Variants in C2CD3 observed in about 807,000 individuals in gnomAD.
C2CD3 encodes C2 domain containing 3 centriole elongation regulator, also known as C2 domain-containing protein 3.
Under a neutral mutation model 234.0 loss-of-function variants are expected in C2CD3, and 148 were observed. The observed-to-expected ratio is 0.63, with a 90% confidence interval of 0.55 to 0.72. C2CD3 has a LOEUF of 0.72. Ranked by LOEUF, C2CD3 falls within the 30% of genes least tolerant of loss-of-function variation. C2CD3 has a pLI of 0.00. For missense variants in C2CD3, 2,577 were observed against 2,811.5 expected (o/e 0.92, Z 1.89); for synonymous variants, 1,000 against 1,035.4 (o/e 0.97, Z 0.66).
chr11:74,140,372 A>G (rs1335652552), intron 3 of C2CD3, among the ~76,000 whole-genome samples: 1 of 152,156 alleles, frequency 6.6e-6, no homozygotes, highest in Admixed American at 6.5e-5. Flanking sequence ...GTCTAAGTAG[A>G]GATGCCATGT....
intron 23 of C2CD3, 104 bp from the exon 24 acceptor site, chr11:74,074,704 T>C: frequency 1.1e-6 from 1 of 892,458 alleles, no homozygotes; most frequent in Non-Finnish European, 1.7e-6. Context: ...CTTTGAAAGG[T>C]CTACAAACCC....
At chr11:74,029,119 G>A (rs7120494) in intron 31 of C2CD3, among the ~76,000 whole-genome samples, 22,338 of 152,156 alleles carry the variant, frequency 0.15, 4,695 homozygotes, top group African/African-American at 0.47. Context: ...CTTCTCCTCC[G>A]TATCTTCTTG....
intron 3 of C2CD3, among the ~76,000 whole-genome samples, chr11:74,148,943 T>A (rs1855403629): frequency 6.8e-6 from 1 of 147,522 alleles, no homozygotes; most frequent in Non-Finnish European, 1.5e-5. Flanking sequence ...ATATAACACA[T>A]GCACATTTAG....
intron 7 of C2CD3, among the ~76,000 whole-genome samples, chr11:74,123,774 T>C (rs1272885455): frequency 6.6e-6 from 1 of 150,716 alleles, no homozygotes; most frequent in East Asian, 1.9e-4. Context: ...GTTTTGCTCT[T>C]ATTGCCCAGG....
At chr11:74,049,635 G>A in intron 26 of C2CD3, 93 bp from the exon 27 acceptor site, 2 of 978,046 alleles carry the variant, frequency 2.0e-6, no homozygotes, top group South Asian at 3.0e-5. Context: ...TTCAGGGGAT[G>A]GAGGAATTTA....
At chr11:74,160,879 T>C (rs1856411669) in intron 3 of C2CD3, among the ~76,000 whole-genome samples, 1 of 152,128 alleles carries the variant, frequency 6.6e-6, no homozygotes, top group East Asian at 1.9e-4. Context: ...ACGCGTCAAT[T>C]AGAAATAAAA....
rs778984341 is a variant in C2CD3, at chr11:74,106,448, G to C, written c.2008C>G (p.Gln670Glu). 2 of 1,613,778 alleles carry C rather than the reference G, an allele frequency of 1.2e-6. No homozygotes were observed. Among genetic ancestry groups the C allele is most frequent in the Non-Finnish European group, 1.7e-6 (2 of 1,179,808 alleles). Residue 670 changes from glutamine to glutamate, a missense_variant, in exon 13 of 33, where the codon CAA (glutamine) becomes GAA (glutamate). Gln to Glu is a conservative substitution (Grantham distance 29). Coordinates refer to ENST00000334126, the MANE Select transcript of C2CD3 (RefSeq NM_001286577.2). ...TCACTGAAAGAAAGCAGCTCTGATT[G>C]AATGACAGCTCGCAAAGAAAGTGAC... ...SVSLSLRAVIQSELLSFSDQL... is the reference protein window; with the variant it reads ...SVSLSLRAVIESELLSFSDQL...
chr11:74,083,788 A>G (rs1337647895), intron 22 of C2CD3, among the ~76,000 whole-genome samples: 1 of 152,158 alleles, frequency 6.6e-6, no homozygotes, highest in Non-Finnish European at 1.5e-5. Context: ...AAAAGTCAGG[A>G]AACAACAGGT....
At chr11:74,154,387 T>C (rs1855872767) in intron 3 of C2CD3, among the ~76,000 whole-genome samples, 1 of 152,020 alleles carries the variant, frequency 6.6e-6, no homozygotes, top group Admixed American at 6.6e-5. Context: ...TGAGTTGTAG[T>C]CCTCAAGTTT....
Position 74,111,979 on chromosome 11 carries a change from TAC to T in C2CD3, c.1843+1799_1843+1800del, listed in dbSNP as rs1359221226. Among the ~76,000 whole-genome samples the T allele has an allele frequency of 1.1e-4, 16 of 147,564 alleles. No homozygotes were observed. The South Asian group carries it at 3.5e-3, about 32-fold the overall frequency. ...ACACACACACACACACATATATATA[TAC>T]ACACACACATTATCTATCTATCTAT... On this transcript the variant is annotated intron_variant, in intron 11 of 32. Transcript: ENST00000334126.
Position 74,114,385 on chromosome 11 carries a change from G to A in C2CD3, c.1729C>T (p.Arg577Cys), listed in dbSNP as rs779387499. The A allele has an allele frequency of 6.2e-6, 10 of 1,611,054 alleles. No individual in the cohort carries two copies. Among genetic ancestry groups the A allele is most frequent in the East Asian group, 2.2e-5 (1 of 44,852 alleles). The change falls in exon 10 of 33, where the codon CGC becomes TGC. Residue 577 changes from arginine to cysteine, a missense_variant and splice_region_variant. Arg to Cys is a radical substitution (Grantham distance 180, BLOSUM62 -3). Coordinates refer to ENST00000334126, the MANE Select transcript of C2CD3 (RefSeq NM_001286577.2). ...AGCTTTCTCATGTTAGAGACATACC[G>A]CTTTTTTGCTGTAGTCACCTTAGGT... is the stretch of plus-strand genomic sequence containing the variant. Reference protein sequence around the residue: ...PPPKVTTAKKRTFFVEYHFPV... With the variant: ...PPPKVTTAKKCTFFVEYHFPV...
intron 8 of C2CD3, among the ~76,000 whole-genome samples, chr11:74,119,953 G>A (rs1486601023): frequency 3.3e-5 from 5 of 151,880 alleles, no homozygotes; most frequent in African/African-American, 1.2e-4. Flanking sequence ...CTTTTAAAAG[G>A]CAAAATTACA....
intron 11 of C2CD3, 148 bp downstream of exon 11, chr11:74,113,632 A>G (rs1343526932): frequency 3.0e-6 from 2 of 662,670 alleles, no homozygotes; most frequent in Admixed American, 4.3e-5. Context: ...GTGAGCAGAG[A>G]TTGCGCCACC....
At chr11:74,097,178 T>C (rs73559843) in intron 16 of C2CD3, among the ~76,000 whole-genome samples, 2,661 of 151,468 alleles carry the variant, frequency 0.018, 80 homozygotes, top group African/African-American at 0.061. Context: ...AACAAATAAC[T>C]AAGAAAAATG....
At chr11:74,097,596 C>T (rs770299667) in intron 16 of C2CD3, among the ~76,000 whole-genome samples, 9 of 152,198 alleles carry the variant, frequency 5.9e-5, no homozygotes, top group Non-Finnish European at 1.2e-4. Context: ...CAGCACCATA[C>T]AAAAACAAAT....
chr11:74,170,868 C>A lies in C2CD3; in HGVS notation c.-76G>T, dbSNP rs996328508. 2.5e-6 allele frequency: 4 copies of A among 1,602,412 alleles called. No individual in the cohort carries two copies. The highest frequency in any genetic ancestry group is 1.8e-4 in the Middle Eastern group (1 of 5,606). On this transcript the variant is annotated 5_prime_UTR_variant, in exon 1 of 33. Coordinates refer to ENST00000334126, the MANE Select transcript of C2CD3 (RefSeq NM_001286577.2). Reference sequence around the variant, plus strand: ...GCAGTATCCTCCCGCCATCCCTCCCCACGGCGCCTGCGTTCCCCGGCAACC... The same window carrying A: ...GCAGTATCCTCCCGCCATCCCTCCCAACGGCGCCTGCGTTCCCCGGCAACC...
rs1453068456 is a variant in C2CD3 at position 74,170,941 on chromosome 11, A to T, written c.-149T>A. 6.7e-7 allele frequency: 1 copy of T among 1,501,150 alleles called. No homozygotes were observed. Among genetic ancestry groups the T allele is most frequent in the Non-Finnish European group, 8.9e-7 (1 of 1,128,886 alleles). The allele number at this position is 1,501,150 out of a possible 1,614,324, so 93.0% of individuals were successfully genotyped here. A position where few individuals can be genotyped will look rare whatever the true frequency, so the allele number is the denominator to read the frequency against. ...GGCAGGAAAAAGCGACTCTTCCTCT[A>T]ACAGTCTCCGGAAAACGGTGCGAAG... On this transcript the variant is annotated 5_prime_UTR_variant, in exon 1 of 33. Transcript: ENST00000334126.
intron 28 of C2CD3, among the ~76,000 whole-genome samples, chr11:74,043,848 T>TA (rs1953208951): frequency 6.6e-6 from 1 of 152,120 alleles, no homozygotes; most frequent in Non-Finnish European, 1.5e-5. Flanking sequence ...TTCTATATAT[T>TA]ATTTTGAGAC....
intron 24 of C2CD3, among the ~76,000 whole-genome samples, chr11:74,066,642 A>AT (rs1463808900): frequency 4.8e-5 from 6 of 123,918 alleles, no homozygotes; most frequent in Admixed American, 3.2e-4. Flanking sequence ...AAGAATTTCC[A>AT]TTAGACCAAT....
Sources: gnomAD v4.1 joint callset for allele counts (sites outside exome capture counted in the v4.1 genomes callset) on GRCh38, gnomAD v4.1.1 for gene constraint, MANE v1.5 for transcripts, NCBI Gene and HGNC (gene_info 2026-07-23, HGNC 2026-07-21) for gene names.